The following ATF6 variants were observed in gnomAD, a reference collection of about 807,000 sequenced individuals.
ATF6 encodes activating transcription factor 6, also known as cyclic AMP-dependent transcription factor ATF-6 alpha.
A neutral mutation model predicts 83.6 loss-of-function variants in ATF6; 53 were observed. The ratio of observed to expected loss-of-function variants is 0.63; its 90% CI spans 0.51 to 0.80. ATF6 has a LOEUF of 0.80. ATF6 is among the 30% of genes least tolerant of loss of function. ATF6 has a pLI of 0.00. For missense variants in ATF6, 744 were observed against 797.9 expected (o/e 0.93, Z 0.81); for synonymous variants, 288 against 285.8 (o/e 1.01, Z -0.08).
At chr1:161,786,405 T>G (rs1043384349) in intron 4 of ATF6, among the ~76,000 whole-genome samples, 15 of 152,224 alleles carry the variant, frequency 9.9e-5, no homozygotes, top group Non-Finnish European at 2.2e-4. Flanking sequence ...TTTTCCCCAA[T>G]TTTTCTTTTG....
chr1:161,807,605 G>A (rs1209658289), intron 7 of ATF6, among the ~76,000 whole-genome samples: 1 of 152,150 alleles, frequency 6.6e-6, no homozygotes, highest in East Asian at 1.9e-4. Flanking sequence ...TGCTACCAGG[G>A]ACTCTGCAAA....
chr1:161,876,679 G>A (rs1687222563), intron 14 of ATF6, among the ~76,000 whole-genome samples: 1 of 151,976 alleles, frequency 6.6e-6, no homozygotes, highest in Non-Finnish European at 1.5e-5. Context: ...TTATTCATAT[G>A]TCTGAAACAA....
At chr1:161,846,014 A>G (rs1235193069) in intron 9 of ATF6, among the ~76,000 whole-genome samples, 1 of 152,132 alleles carries the variant, frequency 6.6e-6, no homozygotes, top group African/African-American at 2.4e-5. Flanking sequence ...AAGGCTAACA[A>G]TGAATTTGAC....
At chr1:161,848,570 A>G (rs548688466) in intron 10 of ATF6, among the ~76,000 whole-genome samples, 3 of 152,240 alleles carry the variant, frequency 2.0e-5, no homozygotes, top group Admixed American at 1.3e-4. Context: ...ATAATGTTCT[A>G]TCAAACTGGG....
chr1:161,850,293 C>G (rs533413457), intron 10 of ATF6, among the ~76,000 whole-genome samples: 36 of 152,140 alleles, frequency 2.4e-4, no homozygotes, highest in African/African-American at 7.7e-4. Context: ...TCTCTACCTC[C>G]CCACTTGCTT....
At chr1:161,925,820 G>C (rs1688300807) in intron 15 of ATF6, among the ~76,000 whole-genome samples, 2 of 152,170 alleles carry the variant, frequency 1.3e-5, no homozygotes, top group South Asian at 4.1e-4. Flanking sequence ...TGAACACACA[G>C]TGAAATTTGA....
chr1:161,833,514 A>G (rs1277144442), intron 9 of ATF6, among the ~76,000 whole-genome samples: 1 of 152,144 alleles, frequency 6.6e-6, no homozygotes. Flanking sequence ...TGAAAAAAAA[A>G]TTAGATGAAT....
At chr1:161,913,128 A>G (rs559089515) in intron 15 of ATF6, among the ~76,000 whole-genome samples, 2 of 152,170 alleles carry the variant, frequency 1.3e-5, no homozygotes, top group Non-Finnish European at 2.9e-5. Flanking sequence ...TTATTGACTA[A>G]TTGCTTTCTC....
At chr1:161,894,559 C>CA (rs1347476516) in intron 14 of ATF6, among the ~76,000 whole-genome samples, 2 of 77,320 alleles carry the variant, frequency 2.6e-5, no homozygotes, top group Non-Finnish European at 4.5e-5. Flanking sequence ...TTTTTTGAGA[C>CA]AGAGTTTCAC....
In ATF6 at chr1:161,860,493, C is replaced by A. The variant is rs551364199; in HGVS notation, c.1604+216C>A. Among the ~76,000 whole-genome samples, 40 of 151,266 alleles carry A rather than the reference C, an allele frequency of 2.6e-4. No homozygotes were observed. The South Asian group carries it at 8.1e-3, about 31-fold the overall frequency. On this transcript the variant is annotated intron_variant, in intron 13 of 15. Coordinates refer to ENST00000367942, the MANE Select transcript of ATF6 (RefSeq NM_007348.4). ...AGATAATTTCAAAAGTTCAACTCTC[C>A]CAAATCCCTTAAATACAAATTTAGT...
chr1:161,841,402 T>C (rs1445254492), intron 9 of ATF6, among the ~76,000 whole-genome samples: 1 of 152,202 alleles, frequency 6.6e-6, no homozygotes, highest in Non-Finnish European at 1.5e-5. Flanking sequence ...TCAACTTGTC[T>C]GTAATTTAGC....
chr1:161,810,594 A>T (rs974714556), intron 7 of ATF6, among the ~76,000 whole-genome samples: 1 of 151,826 alleles, frequency 6.6e-6, no homozygotes, highest in Non-Finnish European at 1.5e-5. Context: ...GGAGTCCATA[A>T]GCTCTTTTGT....
In ATF6 at chr1:161,863,218, T is replaced by C. The variant is rs2101839037; in HGVS notation, c.1625T>C (p.Leu542Pro). ...SSISRNSGSE[L>P]QVYYASPRSY... is the part of the protein sequence containing the mutation. ...TTTAGCAGGAACTCAGGGAGTGAGC[T>C]ACAAGTGTATTATGCTTCACCCAGA... The change falls in exon 14 of 16, where the codon CTA becomes CCA. Residue 542 changes from leucine to proline, a missense_variant. Coordinates refer to ENST00000367942, the MANE Select transcript of ATF6 (RefSeq NM_007348.4). 6.2e-7 allele frequency: 1 copy of C among 1,608,132 alleles called. No individual in the cohort carries two copies. Among genetic ancestry groups the C allele is most frequent in the Non-Finnish European group, 8.5e-7 (1 of 1,175,366 alleles).
At chr1:161,802,452 G>A (rs3738326) in intron 7 of ATF6, among the ~76,000 whole-genome samples, 180 bp downstream of exon 7, 18,324 of 152,026 alleles carry the variant, frequency 0.12, 1,638 homozygotes, top group East Asian at 0.31. Flanking sequence ...GGCTTACTAC[G>A]TTAGAATCTA....
chr1:161,785,531 C>G (rs1221290940), intron 4 of ATF6, among the ~76,000 whole-genome samples: 5 of 152,000 alleles, frequency 3.3e-5, no homozygotes, highest in Admixed American at 3.3e-4. Flanking sequence ...CATTGCATGG[C>G]CTTATCATGC....
chr1:161,853,143 T>G, intron 11 of ATF6, 81 bp from the exon 12 acceptor site: 1 of 997,806 alleles, frequency 1.0e-6, no homozygotes, highest in Non-Finnish European at 1.5e-6. Flanking sequence ...ATGATTAGAT[T>G]CATTTCCACC....
At chr1:161,834,727 TAACA>T (rs1686167828) in intron 9 of ATF6, among the ~76,000 whole-genome samples, 1 of 151,904 alleles carries the variant, frequency 6.6e-6, no homozygotes, top group South Asian at 2.1e-4. Context: ...TATACATATG[TAACA>T]AACCTGCACG....
At chr1:161,922,180 C>T (rs1398871298) in intron 15 of ATF6, among the ~76,000 whole-genome samples, 2 of 152,202 alleles carry the variant, frequency 1.3e-5, no homozygotes, top group African/African-American at 2.4e-5. Flanking sequence ...TCCTTACATA[C>T]TGCTTTTGTT....
intron 15 of ATF6, among the ~76,000 whole-genome samples, chr1:161,954,294 T>C (rs1332506159): frequency 6.6e-6 from 1 of 152,216 alleles, no homozygotes; most frequent in Non-Finnish European, 1.5e-5. Flanking sequence ...AGGTCTCTCG[T>C]GGTCCATGAG....
Sources: allele counts gnomAD v4.1 joint callset (sites outside exome capture counted in the v4.1 genomes callset), GRCh38; gene constraint gnomAD v4.1.1; transcripts MANE v1.5; gene names NCBI Gene and HGNC (gene_info 2026-07-23, HGNC 2026-07-21).